RELL1: variants seen among roughly 807,000 people sequenced by gnomAD.
The protein encoded by RELL1 is RELT-like protein 1.
A neutral mutation model predicts 23.0 loss-of-function variants in RELL1; 10 were observed. The ratio of observed to expected loss-of-function variants is 0.43; its 90% CI spans 0.27 to 0.74. The LOEUF is 0.74. Among genes scored for constraint, RELL1 ranks in the 30% least tolerant of loss-of-function variants. RELL1 has a pLI of 0.19. For missense variants in RELL1, 315 were observed against 364.4 expected, an observed-to-expected ratio of 0.86 and a Z score of 1.10; for synonymous variants, 146 against 146.8, an observed-to-expected ratio of 0.99 and a Z score of 0.04.
chr4:37,608,828 G>A (rs111996181), downstream of RELL1, among the ~76,000 whole-genome samples: 11,412 of 151,830 alleles, frequency 0.075, 522 homozygotes, highest in African/African-American at 0.11. Context: ...ACAGGGTTTC[G>A]CCGTGTTGGC....
chr4:37,668,990 C>A (rs1370160193), intron 1 of RELL1, among the ~76,000 whole-genome samples: 2 of 147,402 alleles, frequency 1.4e-5, no homozygotes, highest in African/African-American at 5.2e-5. Context: ...CCAGCCGCCC[C>A]ATCCAGGAGA....
rs759355504 is a variant in RELL1, at chr4:37,631,426, C to T, written c.778G>A (p.Ala260Thr). 1.2e-6 allele frequency: 2 copies of T among 1,614,138 alleles called. No homozygotes were observed. The highest frequency in any genetic ancestry group is 1.3e-5 in the African/African-American group (1 of 75,040). Reference sequence around the variant, plus strand: ...CTGCGTTCTCTCTTCACAGGTGTTGCCGGCACCTCCCCATTGACGGTTTCA... The same window carrying T: ...CTGCGTTCTCTCTTCACAGGTGTTGTCGGCACCTCCCCATTGACGGTTTCA... ...GAETVNGEVP[A>T]TPVKRERSGT... Residue 260 changes from alanine to threonine, a missense_variant, in exon 6 of 7, where the codon GCA becomes ACA. By Grantham distance (58) the Ala-to-Thr change is moderately conservative. Transcript: ENST00000454158.
chr4:37,635,178 G>T, intron 4 of RELL1, 55 bp from the exon 5 acceptor site: 1 of 1,375,522 alleles, frequency 7.3e-7, no homozygotes, highest in Non-Finnish European at 1.0e-6. Context: ...TATCAGCGAA[G>T]GTGATCTCTC....
At chr4:37,683,964 C>G (rs1722314819) in intron 1 of RELL1, among the ~76,000 whole-genome samples, 1 of 151,816 alleles carries the variant, frequency 6.6e-6, no homozygotes, top group African/African-American at 2.4e-5. Context: ...GCCTGTAGTC[C>G]CAGCTACTCT....
At chr4:37,602,557 A>T (rs1019962531) in intron 6 of RELL1, among the ~76,000 whole-genome samples, 1 of 151,964 alleles carries the variant, frequency 6.6e-6, no homozygotes, top group South Asian at 2.1e-4. Context: ...GACCAGTCAC[A>T]GCCACTCTGA....
Position 37,635,103 on chromosome 4 carries a change from G to C in RELL1, c.464C>G (p.Pro155Arg). Residue 155 changes from proline (P) to arginine (R), a missense_variant, in exon 5 of 7, where the codon CCA becomes CGA. Physicochemically the swap from Pro to Arg is moderately radical, Grantham distance 103. Transcript: ENST00000454158. ...CCCAGGACTCACTGGCGGGCTCCCT[G>C]GTGTGCTGGGGGTCACGGGGCTAAT... is the stretch of plus-strand genomic sequence containing the variant. ...DPESPVTPSTPGSPPVSPGPL... is the reference protein window; with the variant it reads ...DPESPVTPSTRGSPPVSPGPL... 1 of 1,614,116 alleles carries C rather than the reference G, an allele frequency of 6.2e-7. No individual in the cohort carries two copies. The highest frequency in any genetic ancestry group is 8.5e-7 in the Non-Finnish European group (1 of 1,180,014).
Position 37,681,807 on chromosome 4 carries a change from G to A in RELL1, c.88+4393C>T, listed in dbSNP as rs529667478. Among the ~76,000 whole-genome samples the A allele has an allele frequency of 3.9e-5, 6 of 152,250 alleles. No individual in the cohort carries two copies. In the South Asian group the frequency reaches 6.2e-4, roughly 16 times the overall value. On this transcript the variant is annotated intron_variant, in intron 1 of 6. Coordinates refer to ENST00000454158, the MANE Select transcript of RELL1 (RefSeq NM_001085400.2). The stretch of plus-strand genomic sequence containing the variant: ...CTCCCAAAGTGCTGCGATTACAGGC[G>A]TGAGCCACTGCACCCGGCTTCCTTC...
chr4:37,617,698 G>A (rs564719038), intron 6 of RELL1, among the ~76,000 whole-genome samples: 24 of 152,262 alleles, frequency 1.6e-4, no homozygotes, highest in South Asian at 4.1e-4. Context: ...CAATAGAATC[G>A]CTTGAACCTG....
At chr4:37,590,304 G>C, downstream of RELL1, 1 of 1,613,782 alleles carries the variant, frequency 6.2e-7, no homozygotes, top group South Asian at 1.1e-5. Flanking sequence ...ACCAAGGGCC[G>C]CTCCCACAGG....
In RELL1 at chr4:37,613,113, C is replaced by A. The variant is rs747150660; in HGVS notation, c.*233G>T. On this transcript the variant is annotated 3_prime_UTR_variant, in exon 7 of 7. Transcript: ENST00000454158. ...GGAGTGGTTAAGAAGATAAAAACAG[C>A]TCTTTCCTTCCCTGGAAGTATAATA... 6.6e-6 allele frequency: 1 copy of A among 152,194 alleles called. No homozygotes were observed. Among genetic ancestry groups the A allele is most frequent in the Non-Finnish European group, 1.5e-5 (1 of 68,046 alleles). 9.4% of individuals were successfully genotyped at this position (152,194 alleles called of 1,614,324 possible).
Position 37,595,154 on chromosome 4 carries a change from T to C in RELL1, c.*4-3937A>G, listed in dbSNP as rs1718787616. Among the ~76,000 whole-genome samples, 18 of 152,358 alleles carry C rather than the reference T, an allele frequency of 1.2e-4. No individual in the cohort carries two copies. The South Asian group carries it at 3.7e-3, about 32-fold the overall frequency. On this transcript the variant is annotated intron_variant, in intron 6 of 6. Transcript: ENST00000314117. ...ACAAGCTGACATCTGTTTTTCATGGTAAATCCTTTCCCTGTTAACTAATAG... is the reference window on the plus strand; with the variant it reads ...ACAAGCTGACATCTGTTTTTCATGGCAAATCCTTTCCCTGTTAACTAATAG...
chr4:37,598,069 A>G (rs529138354), intron 6 of RELL1, among the ~76,000 whole-genome samples: 11 of 87,680 alleles, frequency 1.3e-4, no homozygotes, highest in Non-Finnish European at 1.6e-4. Context: ...TGTAATATAT[A>G]TATATCATAA....
At chr4:37,599,991 C>T (rs901181129) in intron 6 of RELL1, among the ~76,000 whole-genome samples, 6 of 152,138 alleles carry the variant, frequency 3.9e-5, no homozygotes, top group Admixed American at 1.3e-4. Context: ...TAATTTTGTC[C>T]GAGTACAGTG....
intron 1 of RELL1, among the ~76,000 whole-genome samples, chr4:37,651,025 A>C (rs1278259061): frequency 6.6e-6 from 1 of 150,508 alleles, no homozygotes; most frequent in East Asian, 2.0e-4. Flanking sequence ...GCACCACTGC[A>C]CTTCAGCCTG....
chr4:37,604,832 T>TACACAGACAC lies in RELL1; in HGVS notation c.*4-13616_*4-13615insGTGTCTGTGT, dbSNP rs1560323719. ...ACAGACACACACACAGACACACACA[T>TACACAGACAC]ACACACAGACACACACACAGACACA... is the stretch of plus-strand genomic sequence containing the variant. On this transcript the variant is annotated intron_variant, in intron 6 of 6. Coordinates refer to the RELL1 transcript ENST00000314117. Among the ~76,000 whole-genome samples the TACACAGACAC allele has an allele frequency of 2.0e-3, 191 of 93,742 alleles. 9 individuals are homozygous for TACACAGACAC. The highest frequency in any genetic ancestry group is 0.016 in the East Asian group (59 of 3,628). The allele number at this position is 93,742 out of a possible 152,430, so 61.5% of individuals were successfully genotyped here. A position where few individuals can be genotyped will look rare whatever the true frequency, so the allele number is the denominator to read the frequency against.
At position 37,649,261 on chromosome 4, in the gene RELL1, G is replaced by C; in HGVS notation, c.313+15C>G. 1 of 1,597,774 alleles carries C rather than the reference G, an allele frequency of 6.3e-7. No homozygotes were observed. The highest frequency in any genetic ancestry group is 8.6e-7 in the Non-Finnish European group (1 of 1,166,276). ...TGTCTCCTCACCCCCAATAAAAAGA[G>C]CCCTGGTTATTTACCTATCTTTTCA... On this transcript the variant is annotated intron_variant, in intron 2 of 6. Transcript: ENST00000454158.
Position 37,612,814 on chromosome 4 carries a change from T to C in RELL1, c.*532A>G, listed in dbSNP as rs1047920859. The C allele has an allele frequency of 9.2e-5, 14 of 152,174 alleles. No individual in the cohort carries two copies. The highest frequency in any genetic ancestry group is 3.1e-4 in the African/African-American group (13 of 41,422). 9.4% of individuals were successfully genotyped at this position (152,174 alleles called of 1,614,324 possible). A position where few individuals can be genotyped will look rare whatever the true frequency, so the allele number is the denominator to read the frequency against. ...TCAGGGCTAACTAGATTATTTCCAC[T>C]GAGCTTTTACCACTGAAGATTCATC... On this transcript the variant is annotated 3_prime_UTR_variant, in exon 7 of 7. Transcript: ENST00000454158.
chr4:37,615,036 C>T (rs1466027650), intron 6 of RELL1, among the ~76,000 whole-genome samples: 1 of 152,172 alleles, frequency 6.6e-6, no homozygotes, highest in East Asian at 1.9e-4. Flanking sequence ...GGAACCGTGG[C>T]TGTTTCTGTA....
At chr4:37,609,909 T>C (rs1440087693), downstream of RELL1, among the ~76,000 whole-genome samples, 4 of 152,260 alleles carry the variant, frequency 2.6e-5, no homozygotes, top group African/African-American at 9.6e-5. Flanking sequence ...GTGAACACTG[T>C]TGAAATGACA....
Sources: gnomAD v4.1 joint callset for allele counts (sites outside exome capture counted in the v4.1 genomes callset) on GRCh38, gnomAD v4.1.1 for gene constraint, MANE v1.5 for transcripts, NCBI Gene and HGNC (gene_info 2026-07-23, HGNC 2026-07-21) for gene names.